FAM91A1: variants seen among roughly 807,000 people sequenced by gnomAD.
FAM91A1 encodes family with sequence similarity 91 member A1, also known as protein FAM91A1.
In FAM91A1, 41 loss-of-function variants were observed where a neutral mutation model predicts 113.5. That is an observed-to-expected ratio of 0.36 (90% CI 0.28 to 0.47). The LOEUF is 0.47. FAM91A1 is among the 20% of genes least tolerant of loss of function. The probability of loss-of-function intolerance (pLI) is 1.00; values close to 1 mark genes in which losing one functional copy is unlikely to be tolerated. For missense variants in FAM91A1, 696 were observed against 1,001.2 expected (o/e 0.70, Z 4.11); for synonymous variants, 307 against 347.9 (o/e 0.88, Z 1.31).
At chr8:123,772,148 G>A (rs1050419731) in intron 1 of FAM91A1, among the ~76,000 whole-genome samples, 1 of 152,098 alleles carries the variant, frequency 6.6e-6, no homozygotes, top group African/African-American at 2.4e-5. Flanking sequence ...CTTTTAATGT[G>A]GGTTTTAGAA....
At chr8:123,808,735 C>G in intron 21 of FAM91A1, 158 bp from the exon 22 acceptor site, 1 of 632,798 alleles carries the variant, frequency 1.6e-6, no homozygotes. Flanking sequence ...TAACTGACCC[C>G]CTTCAATTTC....
chr8:123,792,290 G>A (rs1038514920), intron 15 of FAM91A1, among the ~76,000 whole-genome samples: 1 of 152,160 alleles, frequency 6.6e-6, no homozygotes, highest in African/African-American at 2.4e-5. Context: ...TGTAGTACTT[G>A]TTATCTACTA....
In FAM91A1 at chr8:123,768,530, G is replaced by T; in HGVS notation, c.-173G>T. ...TCGCTGCTGCTCTTGTACTCGGTTGGCCCGGGCGGCGCTGAACTGTCGGGA... is the reference window on the plus strand; with the variant it reads ...TCGCTGCTGCTCTTGTACTCGGTTGTCCCGGGCGGCGCTGAACTGTCGGGA... On this transcript the variant is annotated 5_prime_UTR_variant, in exon 1 of 24. Transcript: ENST00000334705. 3 of 538,836 alleles carry T rather than the reference G, an allele frequency of 5.6e-6. No individual in the cohort carries two copies. In the South Asian group the frequency reaches 8.0e-5, roughly 14 times the overall value. The allele number at this position is 538,836 out of a possible 1,614,324, so 33.4% of individuals were successfully genotyped here.
At chr8:123,768,802 C>T in intron 1 of FAM91A1, 28 bp downstream of exon 1, 3 of 1,604,496 alleles carry the variant, frequency 1.9e-6, no homozygotes, top group Non-Finnish European at 2.6e-6. Flanking sequence ...GACCGGGCCC[C>T]TGACGGATTC....
At position 123,807,548 on chromosome 8, in the gene FAM91A1, G is replaced by A. The variant is rs554926015; in HGVS notation, c.2033-724G>A. 8.6e-5 allele frequency among the ~76,000 whole-genome samples: 13 copies of A among 151,904 alleles called. No homozygotes were observed. The South Asian group carries it at 2.7e-3, about 32-fold the overall frequency. On this transcript the variant is annotated intron_variant, in intron 20 of 23. Transcript: ENST00000334705. ...GTTCCAAGGATGAAAACCCTAGAGAGGAGACGAGTGAGTCAGTATACAGTG... is the reference window on the plus strand; with the variant it reads ...GTTCCAAGGATGAAAACCCTAGAGAAGAGACGAGTGAGTCAGTATACAGTG...
In FAM91A1 at chr8:123,768,458, C is replaced by G. The variant is rs776894858; in HGVS notation, c.-245C>G. 2 of 430,390 alleles carry G rather than the reference C, an allele frequency of 4.6e-6. No homozygotes were observed. Among genetic ancestry groups the G allele is most frequent in the Non-Finnish European group, 4.1e-6 (1 of 244,098 alleles). 26.7% of individuals were successfully genotyped at this position (430,390 alleles called of 1,614,324 possible). ...GTGCCCAGAGCCATTTCCGGCGGCC[C>G]GAAACTAGGAAGAAACTTGGAGCTG... On this transcript the variant is annotated 5_prime_UTR_variant, in exon 1 of 24. Coordinates refer to ENST00000334705, the MANE Select transcript of FAM91A1 (RefSeq NM_144963.4).
chr8:123,812,063 A>G (rs1311773815), intron 23 of FAM91A1: 1 of 151,882 alleles, frequency 6.6e-6, no homozygotes, highest in African/African-American at 2.4e-5. Context: ...TAGTAGGAAG[A>G]GGTTTCACCA....
At position 123,780,525 on chromosome 8, in the gene FAM91A1, A is replaced by G; in HGVS notation, c.686A>G (p.Asp229Gly). ...ATTTATCTGGATGTACCAATATCTG[A>G]TGACAGTTGTATAGCAGGTAAGTCC... ...GFIYLDVPIS[D>G]DSCIAVPPLE... Residue 229 changes from aspartate (D) to glycine (G), a missense_variant, in exon 8 of 24, where the codon GAT becomes GGT. Physicochemically the swap from Asp to Gly is moderately conservative, Grantham distance 94. Transcript: ENST00000334705. The G allele has an allele frequency of 6.2e-7, 1 of 1,611,414 alleles. No homozygotes were observed. Among genetic ancestry groups the G allele is most frequent in the Non-Finnish European group, 8.5e-7 (1 of 1,179,126 alleles).
chr8:123,777,375 A>G (rs1815011432), intron 4 of FAM91A1, 53 bp downstream of exon 4: 1 of 1,476,210 alleles, frequency 6.8e-7, no homozygotes, highest in South Asian at 1.2e-5. Flanking sequence ...GTCTTTGTGC[A>G]TCCTGTCATC....
intron 18 of FAM91A1, among the ~76,000 whole-genome samples, chr8:123,803,237 G>GT (rs34024144): frequency 0.017 from 2,397 of 144,978 alleles, 38 homozygotes; most frequent in African/African-American, 0.046. Flanking sequence ...GCTAAGTTAG[G>GT]TTTTTTTTTT....
intron 2 of FAM91A1, among the ~76,000 whole-genome samples, chr8:123,774,882 G>C (rs183691752): frequency 5.8e-4 from 89 of 152,146 alleles, no homozygotes; most frequent in East Asian, 4.1e-3. Context: ...TACCTTTTTG[G>C]GGGGCATGCT....
intron 2 of FAM91A1, among the ~76,000 whole-genome samples, chr8:123,774,777 A>C (rs569907262): frequency 6.6e-6 from 1 of 152,348 alleles, no homozygotes; most frequent in East Asian, 1.9e-4. Context: ...AGCAGCAAAT[A>C]ATTTTTAAAA....
chr8:123,807,534 G>GA, intron 20 of FAM91A1, among the ~76,000 whole-genome samples: 1 of 149,054 alleles, frequency 6.7e-6, no homozygotes, highest in Non-Finnish European at 1.5e-5. Context: ...TTCCAAGGAT[G>GA]AAAACCCTAG....
Position 123,778,098 on chromosome 8 carries a change from T to A in FAM91A1, c.435+6T>A, listed in dbSNP as rs1189882476. ...ATCAGTGTAGATCATCAAAAGTAAG[T>A]TAGTACTTTCTTTTTCATTGTTTTG... On this transcript the variant is annotated splice_donor_region_variant and intron_variant, in intron 5 of 23. Coordinates refer to ENST00000334705, the MANE Select transcript of FAM91A1 (RefSeq NM_144963.4). 2.5e-6 allele frequency: 4 copies of A among 1,583,006 alleles called. No individual in the cohort carries two copies. The Admixed American group carries it at 6.9e-5, about 27-fold the overall frequency.
At chr8:123,770,530 CTT>C (rs775600320) in intron 1 of FAM91A1, among the ~76,000 whole-genome samples, 17 of 152,144 alleles carry the variant, frequency 1.1e-4, no homozygotes, top group Non-Finnish European at 2.1e-4. Context: ...TTAAAGGACA[CTT>C]TTGTACTTTA....
intron 12 of FAM91A1, 50 bp downstream of exon 12, chr8:123,786,660 T>C (rs1815266521): frequency 7.7e-7 from 1 of 1,294,626 alleles, no homozygotes; most frequent in Non-Finnish European, 1.1e-6. Context: ...GTACGGCACA[T>C]GTCCAAACAT....
At chr8:123,788,780 C>G (rs1209390162) in intron 14 of FAM91A1, among the ~76,000 whole-genome samples, 1 of 152,074 alleles carries the variant, frequency 6.6e-6, no homozygotes, top group East Asian at 1.9e-4. Context: ...AAGTTGACTT[C>G]TGCTCTTTTA....
intron 1 of FAM91A1, 92 bp downstream of exon 1, chr8:123,768,866 T>A: frequency 1.5e-6 from 2 of 1,308,024 alleles, no homozygotes; most frequent in Non-Finnish European, 2.2e-6. Flanking sequence ...AGCGGGCTGC[T>A]GCCGGCTGAC....
At position 123,798,101 on chromosome 8, in the gene FAM91A1, G is replaced by A. The variant is rs760860540; in HGVS notation, c.1423G>A (p.Asp475Asn). Reference sequence around the variant, plus strand: ...TGATCATAACTCAGGTTTTCCTCTGGATCTCTTACGCTGTGAAAGCCTTCT... The same window carrying A: ...TGATCATAACTCAGGTTTTCCTCTGAATCTCTTACGCTGTGAAAGCCTTCT... Reference protein sequence around the residue: ...PDQPNYGFPLDLLRCESLLGL... With the variant: ...PDQPNYGFPLNLLRCESLLGL... Residue 475 changes from aspartate to asparagine, a missense_variant, in exon 16 of 24, where the codon GAT (aspartate) becomes AAT (asparagine). By Grantham distance (23) the Asp-to-Asn change is conservative. Transcript: ENST00000334705. 2 of 1,612,234 alleles carry A rather than the reference G, an allele frequency of 1.2e-6. No individual in the cohort carries two copies. The highest frequency in any genetic ancestry group is 8.5e-7 in the Non-Finnish European group (1 of 1,179,408).
Sources: allele counts gnomAD v4.1 joint callset (sites outside exome capture counted in the v4.1 genomes callset), GRCh38; gene constraint gnomAD v4.1.1; transcripts MANE v1.5; gene names NCBI Gene and HGNC (gene_info 2026-07-23, HGNC 2026-07-21).